The following FSTL4 variants were observed in gnomAD, a reference collection of about 807,000 sequenced individuals.
FSTL4 encodes follistatin like 4, also known as follistatin-related protein 4.
FSTL4 carries 28 observed loss-of-function variants against 78.2 expected under a neutral mutation model. That is an observed-to-expected ratio of 0.36 (90% CI 0.27 to 0.49). FSTL4 has a LOEUF of 0.49. Among genes scored for constraint, FSTL4 ranks in the 20% least tolerant of loss-of-function variants. FSTL4 has a pLI of 0.98. For synonymous variants in FSTL4, 422 were observed against 440.5 expected, an observed-to-expected ratio of 0.96 and a Z score of 0.53; for missense variants, 922 against 1,084.9, an observed-to-expected ratio of 0.85 and a Z score of 2.11.
chr5:133,785,892 T>G, the FSTL4 span, among the ~76,000 whole-genome samples: 1 of 152,164 alleles, frequency 6.6e-6, no homozygotes, highest in Non-Finnish European at 1.5e-5. Flanking sequence ...GCAGGCCAGG[T>G]GAAGCTGGCA....
chr5:133,660,036 G>A, the FSTL4 span, among the ~76,000 whole-genome samples: 1 of 152,190 alleles, frequency 6.6e-6, no homozygotes, highest in Non-Finnish European at 1.5e-5. Context: ...CAGGAGTTTT[G>A]TCTACCCAAT....
the FSTL4 span, among the ~76,000 whole-genome samples, chr5:133,751,330 C>T: frequency 2.6e-5 from 4 of 152,230 alleles, no homozygotes; most frequent in Non-Finnish European, 5.9e-5. Flanking sequence ...GAAGGCAGTG[C>T]ACGTTCATCA....
chr5:133,769,340 G>C, the FSTL4 span, among the ~76,000 whole-genome samples: 1 of 152,220 alleles, frequency 6.6e-6, no homozygotes, highest in Non-Finnish European at 1.5e-5. Flanking sequence ...AAGTGACAGT[G>C]CTTGGTCTCA....
At chr5:133,773,322 G>A in the FSTL4 span, among the ~76,000 whole-genome samples, 4 of 151,510 alleles carry the variant, frequency 2.6e-5, no homozygotes, top group Admixed American at 2.0e-4. Flanking sequence ...ATTTGTCCTC[G>A]ATATTTCTTT....
chr5:133,242,476 T>A (rs1280117007), intron 7 of FSTL4, among the ~76,000 whole-genome samples: 4 of 152,108 alleles, frequency 2.6e-5, no homozygotes, highest in African/African-American at 9.7e-5. Flanking sequence ...ACCCTGTACC[T>A]TGGAGATGGG....
chr5:133,759,481 G>A, the FSTL4 span, among the ~76,000 whole-genome samples: 4 of 152,178 alleles, frequency 2.6e-5, no homozygotes, highest in African/African-American at 9.7e-5. Context: ...AGAAATGTGA[G>A]CAAATATTTA....
At position 133,199,354 on chromosome 5, in the gene FSTL4, G is replaced by T; in HGVS notation, c.2270C>A (p.Thr757Lys). The T allele has an allele frequency of 2.5e-6, 4 of 1,613,898 alleles. No homozygotes were observed. The highest frequency in any genetic ancestry group is 2.5e-6 in the Non-Finnish European group (3 of 1,179,934). Reference protein sequence around the residue: ...NQYNIYAALHTEPDLLFLELS... With the variant: ...NQYNIYAALHKEPDLLFLELS... ...CTCCAGGAACAGCAGGTCCGGCTCC[G>T]TGTGCAGAGCCGCGTAGATGTTGTA... Residue 757 changes from threonine (T) to lysine (K), a missense_variant, in exon 16 of 16, where the codon ACG becomes AAG. Transcript: ENST00000265342. The surrounding 1 kb of genome is among the most constrained non-coding windows in gnomAD (Gnocchi z 4.4).
chr5:133,248,498 A>G (rs962983500), intron 7 of FSTL4: 3 of 152,224 alleles, frequency 2.0e-5, no homozygotes, highest in African/African-American at 7.2e-5. Context: ...TTCTCACATG[A>G]ACTTCTGGGA....
At chr5:133,371,400 G>A (rs1224602925) in intron 4 of FSTL4, among the ~76,000 whole-genome samples, 1 of 151,626 alleles carries the variant, frequency 6.6e-6, no homozygotes, top group East Asian at 1.9e-4. Flanking sequence ...TTAAAATCAT[G>A]GCTAGTGTCC....
the FSTL4 span, among the ~76,000 whole-genome samples, chr5:133,694,242 C>T: frequency 6.6e-6 from 1 of 152,226 alleles, no homozygotes; most frequent in Non-Finnish European, 1.5e-5. Flanking sequence ...AGGGTGCTGC[C>T]TCTGGACTGT....
intron 12 of FSTL4, among the ~76,000 whole-genome samples, chr5:133,219,205 T>C (rs1362370847): frequency 6.6e-6 from 1 of 152,192 alleles, no homozygotes; most frequent in Non-Finnish European, 1.5e-5. Context: ...ACTCACATGC[T>C]AATGGCACCC....
chr5:133,544,280 A>G (rs1442640503), intron 3 of FSTL4, among the ~76,000 whole-genome samples: 1 of 152,136 alleles, frequency 6.6e-6, no homozygotes, highest in East Asian at 1.9e-4. Flanking sequence ...GAAAACATCC[A>G]TTAAAATTGC....
At chr5:133,678,736 T>C in the FSTL4 span, among the ~76,000 whole-genome samples, 3 of 152,180 alleles carry the variant, frequency 2.0e-5, no homozygotes, top group African/African-American at 7.2e-5. Flanking sequence ...CATTGCCGTC[T>C]AGCTGGTATT....
At chr5:133,487,152 C>A (rs532834854) in intron 3 of FSTL4, among the ~76,000 whole-genome samples, 1 of 152,296 alleles carries the variant, frequency 6.6e-6, no homozygotes, top group African/African-American at 2.4e-5. Context: ...CAAGAGGACG[C>A]TCTGATGTAG....
At position 133,476,983 on chromosome 5, in the gene FSTL4, C is replaced by T. The variant is rs145121566; in HGVS notation, c.161-75997G>A. On this transcript the variant is annotated intron_variant, in intron 3 of 15. Transcript: ENST00000265342. ...AGTGCCTCAACATCTGGGGGTGGGG[C>T]TGCATCTGGCACACAGTACGTCCTC... Among the ~76,000 whole-genome samples the T allele has an allele frequency of 7.8e-4, 119 of 152,328 alleles. 2 individuals are homozygous for T. In the East Asian group the frequency reaches 0.022, roughly 28 times the overall value.
chr5:133,377,111 C>A (rs1035409085), intron 4 of FSTL4, among the ~76,000 whole-genome samples: 3 of 152,100 alleles, frequency 2.0e-5, no homozygotes, highest in African/African-American at 7.2e-5. Context: ...CTAATCCCTG[C>A]CAGCTCCAGG....
chr5:133,787,585 G>A, the FSTL4 span, among the ~76,000 whole-genome samples: 54 of 74,300 alleles, frequency 7.3e-4, no homozygotes, highest in African/African-American at 2.4e-3. Context: ...CCAGTCCCAC[G>A]CCCTGCTCCT....
At chr5:133,618,726 T>G in the FSTL4 span, among the ~76,000 whole-genome samples, 4 of 152,242 alleles carry the variant, frequency 2.6e-5, no homozygotes, top group African/African-American at 9.6e-5. Flanking sequence ...GCAATTTGGC[T>G]GGCAAATGGC....
chr5:133,550,524 G>A (rs1759671400), intron 3 of FSTL4, among the ~76,000 whole-genome samples: 1 of 152,116 alleles, frequency 6.6e-6, no homozygotes, highest in Non-Finnish European at 1.5e-5. Context: ...AACAATGATG[G>A]CTAATATAGA....
Sources: allele counts gnomAD v4.1 joint callset (sites outside exome capture counted in the v4.1 genomes callset), GRCh38; gene constraint gnomAD v4.1.1; non-coding constraint Gnocchi (gnomAD v3.1); transcripts MANE v1.5; gene names NCBI Gene and HGNC (gene_info 2026-07-23, HGNC 2026-07-21).